The following CAST variants were observed in gnomAD, a reference collection of about 807,000 sequenced individuals.
The protein encoded by CAST is MIR583 host.
CAST carries 76 observed loss-of-function variants against 119.6 expected under a neutral mutation model. The ratio of observed to expected loss-of-function variants is 0.64; its 90% confidence interval spans 0.53 to 0.77. The LOEUF (loss-of-function observed/expected upper bound fraction) is 0.77, where lower values mean the gene tolerates loss of function less well. Ranked by LOEUF, CAST falls within the 30% of genes least tolerant of loss-of-function variation. The probability of loss-of-function intolerance (pLI) is 0.00; values close to 1 mark genes in which losing one functional copy is unlikely to be tolerated. For missense variants in CAST, 953 were observed against 946.5 expected (o/e 1.01, Z -0.09); for synonymous variants, 319 against 331.6 (o/e 0.96, Z 0.41).
intron 2 of CAST, among the ~76,000 whole-genome samples, chr5:96,681,732 CA>C (rs70981836): frequency 0.38 from 33,609 of 89,392 alleles, 3,483 homozygotes; most frequent in Admixed American, 0.47. Flanking sequence ...GACTCCGTCT[CA>C]AAAAAAAAAA....
At chr5:96,229,994 C>T in the CAST span, among the ~76,000 whole-genome samples, 2 of 152,152 alleles carry the variant, frequency 1.3e-5, no homozygotes, top group African/African-American at 4.8e-5. Flanking sequence ...AGCTATTGAA[C>T]CTGAGAGGTG....
At chr5:96,398,762 A>C in the CAST span, 1 of 876,178 alleles carries the variant, frequency 1.1e-6, no homozygotes, top group Non-Finnish European at 1.9e-6. Flanking sequence ...ATGTTTTTTA[A>C]GACCTGAAAA....
At chr5:96,557,770 A>C (rs1415258134) in intron 1 of CAST, among the ~76,000 whole-genome samples, 11 of 152,120 alleles carry the variant, frequency 7.2e-5, no homozygotes, top group Non-Finnish European at 1.6e-4. Context: ...ACTTTAGCAC[A>C]CCACTGTCAA....
chr5:96,656,787 G>T (rs1053212831), intron 1 of CAST, among the ~76,000 whole-genome samples: 2 of 152,122 alleles, frequency 1.3e-5, no homozygotes, highest in African/African-American at 4.8e-5. Context: ...GAACAGGGGT[G>T]AGCCGGGCAG....
At chr5:96,349,137 C>CTTTTTTTTTTTTTTTTTTTTTTTTT in the CAST span, among the ~76,000 whole-genome samples, 7 of 31,294 alleles carry the variant, frequency 2.2e-4, no homozygotes, top group African/African-American at 7.2e-4. Context: ...AACAAGGACA[C>CTTTTTTTTTTTTTTTTTTTTTTTTT]TATTTTTTTT....
At chr5:96,423,515 TG>T in the CAST span, 1 of 1,550,154 alleles carries the variant, frequency 6.5e-7, no homozygotes, top group Non-Finnish European at 8.9e-7. Flanking sequence ...TGCTACAAAA[TG>T]GGCACTTCAG....
intron 1 of CAST, among the ~76,000 whole-genome samples, chr5:96,582,426 C>A (rs541347759): frequency 5.9e-5 from 9 of 152,226 alleles, no homozygotes; most frequent in Non-Finnish European, 1.0e-4. Context: ...CCTTCATATT[C>A]ACAGTCACTC....
chr5:96,273,719 T>C, the CAST span, among the ~76,000 whole-genome samples: 3 of 152,114 alleles, frequency 2.0e-5, no homozygotes, highest in Non-Finnish European at 2.9e-5. Flanking sequence ...TCAGGAACAG[T>C]TTTCTCAAAG....
chr5:96,568,379 A>G (rs949028006), intron 1 of CAST, among the ~76,000 whole-genome samples: 6 of 152,234 alleles, frequency 3.9e-5, no homozygotes, highest in African/African-American at 1.4e-4. Context: ...AGCCTGGCCA[A>G]CATGCTAGAA....
At chr5:96,757,361 G>C in intron 22 of CAST, 83 bp from the exon 23 acceptor site, 1 of 1,216,632 alleles carries the variant, frequency 8.2e-7, no homozygotes, top group Non-Finnish European at 1.2e-6. Flanking sequence ...ATAACCTGTA[G>C]ACCCTTTGTA....
At chr5:96,549,094 C>T (rs1746073426) in intron 1 of CAST, among the ~76,000 whole-genome samples, 1 of 152,212 alleles carries the variant, frequency 6.6e-6, no homozygotes, top group African/African-American at 2.4e-5. Flanking sequence ...CTTACAGGAG[C>T]CAGCTCCAGT....
At chr5:96,487,831 CAG>C in the CAST span, among the ~76,000 whole-genome samples, 2 of 152,188 alleles carry the variant, frequency 1.3e-5, no homozygotes, top group Non-Finnish European at 2.9e-5. Context: ...TGCTGTAAAT[CAG>C]GGTGGCATCA....
At chr5:96,758,962 A>G (rs905573802) in intron 24 of CAST, among the ~76,000 whole-genome samples, 50 of 152,284 alleles carry the variant, frequency 3.3e-4, no homozygotes, top group African/African-American at 1.2e-3. Context: ...TCCTCCTCCT[A>G]TCATTATTAT....
the CAST span, among the ~76,000 whole-genome samples, chr5:96,442,658 C>T: frequency 1.3e-5 from 2 of 152,204 alleles, no homozygotes; most frequent in Non-Finnish European, 2.9e-5. Context: ...GTGCAGCTTC[C>T]TAAGCATCGC....
At chr5:96,594,505 C>T (rs565004887) in intron 1 of CAST, among the ~76,000 whole-genome samples, 2 of 152,136 alleles carry the variant, frequency 1.3e-5, no homozygotes, top group African/African-American at 2.4e-5. Flanking sequence ...TTAAAACCAG[C>T]GTTGTAGAAT....
At chr5:96,529,670 G>A (rs1745654973), upstream of CAST, among the ~76,000 whole-genome samples, 1 of 152,080 alleles carries the variant, frequency 6.6e-6, no homozygotes, top group Non-Finnish European at 1.5e-5. Context: ...ACGTGTCATG[G>A]GAGGGACTAG....
chr5:96,621,462 C>G (rs142340311), intron 1 of CAST, among the ~76,000 whole-genome samples: 15 of 152,252 alleles, frequency 9.9e-5, no homozygotes, highest in African/African-American at 3.4e-4. Context: ...GAGGAGGCCT[C>G]AGGAAACTTA....
At chr5:96,662,333 CT>C, upstream of CAST, 2 of 1,134,160 alleles carry the variant, frequency 1.8e-6, no homozygotes, top group South Asian at 2.1e-5. Flanking sequence ...CCCTCCCTCC[CT>C]CCCTCTCTCC....
intron 1 of CAST, among the ~76,000 whole-genome samples, chr5:96,602,489 C>T (rs144283979): frequency 0.017 from 2,664 of 152,292 alleles, 59 homozygotes; most frequent in African/African-American, 0.051. Flanking sequence ...CAATGGCTCA[C>T]GCCTGTAATC....
Sources: gnomAD v4.1 joint callset for allele counts (sites outside exome capture counted in the v4.1 genomes callset) on GRCh38, gnomAD v4.1.1 for gene constraint, MANE v1.5 for transcripts, NCBI Gene and HGNC (gene_info 2026-07-23, HGNC 2026-07-21) for gene names.